Variants in ANKRD28 observed in about 807,000 individuals in gnomAD.
ANKRD28 encodes the protein ankyrin repeat domain 28.
A neutral mutation model predicts 126.5 loss-of-function variants in ANKRD28; 44 were observed. The ratio of observed to expected loss-of-function variants is 0.35; its 90% CI spans 0.27 to 0.45. The LOEUF (loss-of-function observed/expected upper bound fraction) is 0.45. ANKRD28 is among the 20% of genes least tolerant of loss of function. ANKRD28 has a pLI of 1.00. For missense variants in ANKRD28, 1,110 were observed against 1,316.6 expected, an observed-to-expected ratio of 0.84 and a Z score of 2.43; for synonymous variants, 442 against 468.5, an observed-to-expected ratio of 0.94 and a Z score of 0.73.
chr3:15,722,308 C>A (rs2073815910), intron 7 of ANKRD28, among the ~76,000 whole-genome samples: 1 of 152,192 alleles, frequency 6.6e-6, no homozygotes, highest in Non-Finnish European at 1.5e-5. Context: ...AAATGAAGCT[C>A]AGGTGAGCAT....
chr3:15,720,571 T>C (rs1205228113), intron 8 of ANKRD28, among the ~76,000 whole-genome samples: 1 of 152,206 alleles, frequency 6.6e-6, no homozygotes, highest in Non-Finnish European at 1.5e-5. Context: ...GTATATAACA[T>C]AAACCCCTGC....
chr3:15,748,171 C>A (rs949578807), intron 4 of ANKRD28, among the ~76,000 whole-genome samples: 1 of 152,154 alleles, frequency 6.6e-6, no homozygotes, highest in African/African-American at 2.4e-5. Context: ...TTAAGTAGAG[C>A]ATTTAGGCCA....
chr3:15,774,733 AT>A (rs879567047), intron 2 of ANKRD28, among the ~76,000 whole-genome samples: 1 of 152,212 alleles, frequency 6.6e-6, no homozygotes, highest in Non-Finnish European at 1.5e-5. Context: ...ACCATAAAGA[AT>A]TCTGAAAAGA....
rs145837230 is a variant in ANKRD28, at chr3:15,772,526, C to T, written c.202-6214G>A. Among the ~76,000 whole-genome samples the T allele has an allele frequency of 4.6e-3, 705 of 152,286 alleles. 3 individuals carry two copies. Among genetic ancestry groups the T allele is most frequent in the Middle Eastern group, 0.024 (7 of 294 alleles). ...TCAGCAATATTTGAAAAGGGTACTA[C>T]ATCACGACCAACTGGAGTTTATTCT... is the stretch of plus-strand genomic sequence containing the variant. On this transcript the variant is annotated intron_variant, in intron 2 of 27. Coordinates refer to ENST00000683139, the MANE Select transcript of ANKRD28 (RefSeq NM_001349278.2).
In ANKRD28 at chr3:15,838,155, C is replaced by T. The variant is rs1360345013; in HGVS notation, c.27+21222G>A. The stretch of plus-strand genomic sequence containing the variant: ...TCTTCCCACAAAGAAAAGCCTTGGC[C>T]CACATAGTTTCTTTCACTGGTGAAT... On this transcript the variant is annotated intron_variant, in intron 1 of 27. Transcript: ENST00000399451. This position sits in a 1 kb window ranked among gnomAD's most constrained non-coding sequence, Gnocchi z 4.0. Among the ~76,000 whole-genome samples the T allele has an allele frequency of 6.6e-6, 1 of 152,044 alleles. No individual in the cohort carries two copies. Among genetic ancestry groups the T allele is most frequent in the Non-Finnish European group, 1.5e-5 (1 of 68,024 alleles).
exon 1 of ANKRD28, chr3:15,859,406 C>A: frequency 6.6e-7 from 1 of 1,526,462 alleles, no homozygotes; most frequent in Non-Finnish European, 8.8e-7. Context: ...AACGCCATGG[C>A]GGTCGCCTCC....
intron 14 of ANKRD28, among the ~76,000 whole-genome samples, chr3:15,700,947 T>C (rs1183359808): frequency 6.6e-6 from 1 of 152,240 alleles, no homozygotes; most frequent in Non-Finnish European, 1.5e-5. Context: ...AGTGTATTCA[T>C]GTTCAAATTC....
At chr3:15,742,393 C>T (rs932799884) in intron 4 of ANKRD28, among the ~76,000 whole-genome samples, 6 of 150,842 alleles carry the variant, frequency 4.0e-5, no homozygotes, top group African/African-American at 9.8e-5. Context: ...CCCGCCGCCC[C>T]GTCTGGGATG....
intron 2 of ANKRD28, among the ~76,000 whole-genome samples, chr3:15,786,028 G>C (rs78555795): frequency 6.6e-6 from 1 of 151,970 alleles, no homozygotes; most frequent in East Asian, 1.9e-4. Context: ...ACCAGGGACT[G>C]GGGGGAAGAA....
In ANKRD28 at chr3:15,707,915, G is replaced by C; in HGVS notation, c.1547+9C>G. On this transcript the variant is annotated intron_variant, in intron 14 of 27. Transcript: ENST00000683139. ...ATTGATCCTCCACTCTCACTCCTAT[G>C]GTACTTACTTGCCATCTGTGTCTGA... The C allele has an allele frequency of 6.2e-7, 1 of 1,611,732 alleles. No individual in the cohort carries two copies.
At chr3:15,721,249 G>A (rs753904597) in intron 7 of ANKRD28, 122 bp from the exon 8 acceptor site, 69 of 797,440 alleles carry the variant, frequency 8.7e-5, no homozygotes, top group Non-Finnish European at 1.2e-4. Flanking sequence ...GACAAGATAA[G>A]TACAGAGATA....
intron 17 of ANKRD28, among the ~76,000 whole-genome samples, chr3:15,691,652 T>A (rs1012751729): frequency 6.6e-6 from 1 of 152,198 alleles, no homozygotes; most frequent in Non-Finnish European, 1.5e-5. Flanking sequence ...TTATAATGAA[T>A]CTGTGTAGAA....
chr3:15,788,268 G>A (rs1253126967), intron 2 of ANKRD28, among the ~76,000 whole-genome samples: 1 of 152,124 alleles, frequency 6.6e-6, no homozygotes, highest in Non-Finnish European at 1.5e-5. Flanking sequence ...TAAAAGGCAG[G>A]AGTTCATAGG....
intron 21 of ANKRD28, chr3:15,684,103 C>T (rs1391096680): frequency 6.6e-6 from 1 of 152,166 alleles, no homozygotes; most frequent in Non-Finnish European, 1.5e-5. Flanking sequence ...AATTTCTCTA[C>T]TAAAGCCTGA....
chr3:15,773,672 G>GA (rs957860031), intron 2 of ANKRD28, among the ~76,000 whole-genome samples: 52 of 152,034 alleles, frequency 3.4e-4, no homozygotes, highest in African/African-American at 1.0e-3. Flanking sequence ...AAACACGCAA[G>GA]AAAAAAATCA....
chr3:15,848,463 C>T (rs1340071007), intron 1 of ANKRD28, among the ~76,000 whole-genome samples: 1 of 152,004 alleles, frequency 6.6e-6, no homozygotes, highest in Non-Finnish European at 1.5e-5. Flanking sequence ...TCACTTGAGC[C>T]CAAAAGCTGA....
Position 15,793,269 on chromosome 3 carries a change from A to G in ANKRD28, c.201+1954T>C, listed in dbSNP as rs1307005637. Among the ~76,000 whole-genome samples, 3 of 152,184 alleles carry G rather than the reference A, an allele frequency of 2.0e-5. No individual in the cohort carries two copies. In the East Asian group the frequency reaches 5.8e-4, roughly 29 times the overall value. The stretch of plus-strand genomic sequence containing the variant: ...AATCAGATGATATTTACCATCTTAA[A>G]TTCAAATAATGGCCAAAAAGTTAAC... On this transcript the variant is annotated intron_variant, in intron 2 of 27. Coordinates refer to ENST00000683139, the MANE Select transcript of ANKRD28 (RefSeq NM_001349278.2).
chr3:15,807,330 C>T (rs2060606227), intron 1 of ANKRD28, among the ~76,000 whole-genome samples: 1 of 152,148 alleles, frequency 6.6e-6, no homozygotes, highest in Admixed American at 6.5e-5. Context: ...CCCTGATTAG[C>T]TTGTAATATT....
intron 24 of ANKRD28, 143 bp from the exon 25 acceptor site, chr3:15,677,705 A>G: frequency 1.9e-6 from 1 of 527,484 alleles, no homozygotes; most frequent in Non-Finnish European, 3.4e-6. Context: ...TGTAATATAT[A>G]ACATATATAT....
Sources: gnomAD v4.1 joint callset for allele counts (sites outside exome capture counted in the v4.1 genomes callset) on GRCh38, gnomAD v4.1.1 for gene constraint, Gnocchi (gnomAD v3.1) non-coding constraint, MANE v1.5 for transcripts, NCBI Gene and HGNC (gene_info 2026-07-23, HGNC 2026-07-21) for gene names.